RPAP3: variants seen among roughly 807,000 people sequenced by gnomAD.
RPAP3 encodes the protein RNA polymerase II associated protein 3.
Under a neutral mutation model 88.8 loss-of-function variants are expected in RPAP3, and 58 were observed. The observed-to-expected ratio is 0.65, with a 90% CI of 0.53 to 0.81. RPAP3 has a LOEUF of 0.81. RPAP3 is among the 40% of genes least tolerant of loss of function. The probability of loss-of-function intolerance (pLI) is 0.00; values close to 1 mark genes in which losing one functional copy is unlikely to be tolerated. For missense variants in RPAP3, 751 were observed against 764.3 expected, an observed-to-expected ratio of 0.98 and a Z score of 0.20; for synonymous variants, 255 against 259.9, an observed-to-expected ratio of 0.98 and a Z score of 0.18.
chr12:47,668,890 A>G (rs769311689), intron 14 of RPAP3, 26 bp downstream of exon 14: 18 of 1,566,594 alleles, frequency 1.1e-5, no homozygotes, highest in African/African-American at 9.5e-5. Context: ...TACTTACAAC[A>G]GAAGTACTAC....
At chr12:47,685,634 A>G (rs1939307968) in intron 9 of RPAP3, among the ~76,000 whole-genome samples, 1 of 152,210 alleles carries the variant, frequency 6.6e-6, no homozygotes, top group Non-Finnish European at 1.5e-5. Context: ...CTAATCATCT[A>G]CGTTGCTTCA....
intron 7 of RPAP3, 60 bp from the exon 8 acceptor site, chr12:47,688,061 G>A: frequency 7.0e-7 from 1 of 1,422,736 alleles, no homozygotes; most frequent in Middle Eastern, 1.9e-4. Context: ...ATATATATTT[G>A]ACCTTAAAAC....
At chr12:47,695,249 A>G (rs1396261992) in intron 5 of RPAP3, among the ~76,000 whole-genome samples, 1 of 151,816 alleles carries the variant, frequency 6.6e-6, no homozygotes, top group Non-Finnish European at 1.5e-5. Context: ...TTACAATGAG[A>G]GCTCTAGAGC....
At position 47,664,186 on chromosome 12, in the gene RPAP3, GAGA is replaced by G. The variant is rs1411284855; in HGVS notation, c.1913-599_1913-597del. On this transcript the variant is annotated intron_variant, in intron 16 of 16. Coordinates refer to ENST00000005386, the MANE Select transcript of RPAP3 (RefSeq NM_024604.3). ...AGGCGGATCATGAGGTCAGGAGATC[GAGA>G]CCATCCTGGCTAACACGGTGAAACC... is the stretch of plus-strand genomic sequence containing the variant. 2.6e-5 allele frequency among the ~76,000 whole-genome samples: 4 copies of G among 152,200 alleles called. No individual in the cohort carries two copies. In the East Asian group the frequency reaches 7.7e-4, roughly 29 times the overall value.
chr12:47,681,596 G>T, intron 10 of RPAP3, 100 bp downstream of exon 10: 1 of 1,230,046 alleles, frequency 8.1e-7, no homozygotes, highest in Non-Finnish European at 1.1e-6. Context: ...AATTCCCTAA[G>T]TTCAGTATCT....
At position 47,673,260 on chromosome 12, in the gene RPAP3, T is replaced by G. The variant is rs368924758; in HGVS notation, c.1288-2915A>C. Among the ~76,000 whole-genome samples, 4 of 151,892 alleles carry G rather than the reference T, an allele frequency of 2.6e-5. No individual in the cohort carries two copies. The East Asian group carries it at 7.8e-4, about 30-fold the overall frequency. The stretch of plus-strand genomic sequence containing the variant: ...GAGTTCGAGACCAGTCTGGCCAACA[T>G]GGTGAAACCCTGTCTCTACTAAAAA... On this transcript the variant is annotated intron_variant, in intron 12 of 16. Transcript: ENST00000005386.
intron 9 of RPAP3, among the ~76,000 whole-genome samples, chr12:47,682,306 T>C (rs976684548): frequency 2.0e-5 from 3 of 152,174 alleles, no homozygotes; most frequent in African/African-American, 2.4e-5. Flanking sequence ...TACTCAGCCA[T>C]GCAACCAGCA....
chr12:47,686,566 A>ACC (rs1939327543), intron 9 of RPAP3, among the ~76,000 whole-genome samples: 2 of 151,734 alleles, frequency 1.3e-5, no homozygotes, highest in African/African-American at 4.8e-5. Context: ...ACACACACAC[A>ACC]CACACACACA....
At chr12:47,668,304 T>C (rs1938925639) in intron 14 of RPAP3, among the ~76,000 whole-genome samples, 1 of 152,198 alleles carries the variant, frequency 6.6e-6, no homozygotes, top group African/African-American at 2.4e-5. Flanking sequence ...AACTGCATGA[T>C]AATCACTCTA....
intron 9 of RPAP3, among the ~76,000 whole-genome samples, chr12:47,683,609 C>T (rs750544603): frequency 1.3e-5 from 2 of 152,156 alleles, no homozygotes; most frequent in Admixed American, 6.5e-5. Context: ...ATAGACTCAC[C>T]TAAGTCCTTT....
intron 14 of RPAP3, 26 bp from the exon 15 acceptor site, chr12:47,667,877 T>A: frequency 7.3e-7 from 1 of 1,371,288 alleles, no homozygotes; most frequent in Non-Finnish European, 1.0e-6. Flanking sequence ...AAAAGACAAT[T>A]ACTTGATGGC....
chr12:47,695,898 ATT>A (rs1335194093), intron 5 of RPAP3: 1 of 154,608 alleles, frequency 6.5e-6, no homozygotes, highest in African/African-American at 2.4e-5. Flanking sequence ...GTTGAAACAT[ATT>A]TTAAGTTTTC....
chr12:47,676,783 C>T (rs1238722291), intron 12 of RPAP3, among the ~76,000 whole-genome samples: 8 of 152,072 alleles, frequency 5.3e-5, no homozygotes, highest in East Asian at 1.9e-4. Context: ...CAGGACCAGA[C>T]GGATTCACAG....
intron 12 of RPAP3, among the ~76,000 whole-genome samples, chr12:47,674,678 C>T (rs1013471833): frequency 4.6e-5 from 7 of 151,532 alleles, no homozygotes; most frequent in South Asian, 2.1e-4. Context: ...TGAAATAAAG[C>T]GACAAGACAA....
At chr12:47,663,674 G>C in intron 16 of RPAP3, 84 bp from the exon 17 acceptor site, 1 of 756,750 alleles carries the variant, frequency 1.3e-6, no homozygotes, top group Non-Finnish European at 2.1e-6. Context: ...CAATCTATTT[G>C]TCAAAAACAT....
At chr12:47,674,084 T>TAA (rs34101861) in intron 12 of RPAP3, among the ~76,000 whole-genome samples, 47,332 of 123,122 alleles carry the variant, frequency 0.38, 9,480 homozygotes, top group East Asian at 0.56. Context: ...TTAAAGATTC[T>TAA]AAAAAAAAAA....
At chr12:47,685,472 C>T (rs1436078460) in intron 9 of RPAP3, among the ~76,000 whole-genome samples, 3 of 151,748 alleles carry the variant, frequency 2.0e-5, no homozygotes, top group Non-Finnish European at 4.4e-5. Flanking sequence ...TTCAGAATTA[C>T]AGTAAAAATT....
At chr12:47,683,397 A>G (rs1481353868) in intron 9 of RPAP3, among the ~76,000 whole-genome samples, 1 of 152,214 alleles carries the variant, frequency 6.6e-6, no homozygotes, top group East Asian at 1.9e-4. Flanking sequence ...TTAGCACAAT[A>G]AATATTTGCT....
intron 6 of RPAP3, 115 bp downstream of exon 6, chr12:47,690,403 T>C: frequency 3.6e-6 from 3 of 832,794 alleles, no homozygotes; most frequent in East Asian, 3.0e-5. Flanking sequence ...AAATGACCTT[T>C]GTTCAAATAC....
Sources: allele counts gnomAD v4.1 joint callset (sites outside exome capture counted in the v4.1 genomes callset), GRCh38; gene constraint gnomAD v4.1.1; transcripts MANE v1.5; gene names NCBI Gene and HGNC (gene_info 2026-07-23, HGNC 2026-07-21).